Variants in ATP11B observed in about 807,000 individuals in gnomAD.
The protein encoded by ATP11B is ATPase phospholipid transporting 11B (putative).
In ATP11B, 81 loss-of-function variants were observed where a neutral mutation model predicts 157.8. The ratio of observed to expected loss-of-function variants is 0.51; its 90% CI spans 0.43 to 0.62. The LOEUF (loss-of-function observed/expected upper bound fraction) is 0.62. ATP11B is among the 20% of genes least tolerant of loss of function. The pLI, the probability that ATP11B is intolerant of heterozygous loss-of-function variation, is 0.00. For missense variants in ATP11B, 1,165 were observed against 1,402.2 expected, an observed-to-expected ratio of 0.83 and a Z score of 2.70; for synonymous variants, 451 against 469.4, an observed-to-expected ratio of 0.96 and a Z score of 0.51.
intron 25 of ATP11B, among the ~76,000 whole-genome samples, chr3:182,893,077 C>T (rs960088757): frequency 6.6e-6 from 1 of 152,104 alleles, no homozygotes; most frequent in Non-Finnish European, 1.5e-5. Flanking sequence ...AAAAGTAGGG[C>T]TTGTCTTAAT....
chr3:182,867,534 T>C (rs1235677735), intron 15 of ATP11B, 90 bp downstream of exon 15: 5 of 751,160 alleles, frequency 6.7e-6, no homozygotes, highest in African/African-American at 1.8e-5. Context: ...ACAGGGCAAA[T>C]GTGGCCTATA....
intron 28 of ATP11B, among the ~76,000 whole-genome samples, chr3:182,908,273 C>T (rs1308195825): frequency 7.0e-6 from 1 of 143,620 alleles, no homozygotes; most frequent in Non-Finnish European, 1.5e-5. Context: ...GCAGAAGCAC[C>T]ATCTTGGCTC....
At chr3:182,912,440 C>T (rs956979462) in intron 28 of ATP11B, among the ~76,000 whole-genome samples, 2 of 150,272 alleles carry the variant, frequency 1.3e-5, no homozygotes, top group African/African-American at 5.0e-5. Flanking sequence ...TAATTGAACA[C>T]TGACCCCCTT....
chr3:182,866,376 G>A lies in ATP11B; in HGVS notation c.1552G>A (p.Ala518Thr), dbSNP rs137867476. The change falls in exon 14 of 30, where the codon GCA becomes ACA. Residue 518 changes from alanine to threonine, a missense_variant. Coordinates refer to ENST00000323116, the MANE Select transcript of ATP11B (RefSeq NM_014616.3). ...TGDGPWQSNL[A>T]PSQLEYYASS... Reference sequence around the variant, plus strand: ...TGATGGTCCCTGGCAATCCAACCTGGCACCATCGCAGTTGGAGTACTATGC... The same window carrying A: ...TGATGGTCCCTGGCAATCCAACCTGACACCATCGCAGTTGGAGTACTATGC... 9.7e-4 allele frequency: 1,564 copies of A among 1,613,776 alleles called. 3 individuals are homozygous for A. The highest frequency in any genetic ancestry group is 1.8e-3 in the Middle Eastern group (11 of 6,058).
intron 1 of ATP11B, among the ~76,000 whole-genome samples, chr3:182,800,785 A>ATT (rs34173579): frequency 0.18 from 24,097 of 135,034 alleles, 3,225 homozygotes; most frequent in African/African-American, 0.38. Flanking sequence ...AATTCTTTTG[A>ATT]TTTTTTTTTT....
At chr3:182,864,754 G>GTT (rs1039655349) in intron 12 of ATP11B, among the ~76,000 whole-genome samples, 1 of 152,012 alleles carries the variant, frequency 6.6e-6, no homozygotes, top group Non-Finnish European at 1.5e-5. Flanking sequence ...CATTATTGCA[G>GTT]TAATCAGATT....
chr3:182,797,053 C>T (rs1715655043), intron 1 of ATP11B, among the ~76,000 whole-genome samples: 1 of 152,188 alleles, frequency 6.6e-6, no homozygotes, highest in South Asian at 2.1e-4. Flanking sequence ...ACCGAACTTG[C>T]TTATATTTTA....
chr3:182,911,271 G>GCACC (rs546621763), intron 28 of ATP11B, among the ~76,000 whole-genome samples: 1 of 76,612 alleles, frequency 1.3e-5, no homozygotes, highest in African/African-American at 8.3e-5. Context: ...CTATTGAAAT[G>GCACC]CCCCCCCCCG....
intron 10 of ATP11B, among the ~76,000 whole-genome samples, chr3:182,848,809 G>A (rs1255581869): frequency 2.0e-5 from 3 of 151,768 alleles, no homozygotes; most frequent in Admixed American, 6.6e-5. Context: ...TCACACTAAC[G>A]CAGATAACAG....
chr3:182,838,521 A>C (rs892401456), intron 7 of ATP11B, among the ~76,000 whole-genome samples: 3 of 152,148 alleles, frequency 2.0e-5, no homozygotes, highest in African/African-American at 7.2e-5. Flanking sequence ...AAATATAAGT[A>C]AAATGTAATC....
chr3:182,903,243 A>G (rs1294424121), intron 28 of ATP11B, among the ~76,000 whole-genome samples: 1 of 152,208 alleles, frequency 6.6e-6, no homozygotes, highest in African/African-American at 2.4e-5. Flanking sequence ...GGGAAAAGTA[A>G]TATAAGTTAT....
intron 25 of ATP11B, among the ~76,000 whole-genome samples, chr3:182,894,574 G>A (rs545298005): frequency 6.6e-6 from 1 of 152,204 alleles, no homozygotes; most frequent in Non-Finnish European, 1.5e-5. Flanking sequence ...AATGGAAAGA[G>A]ACAGCAGTCT....
chr3:182,824,510 T>G (rs2108501691), intron 2 of ATP11B, among the ~76,000 whole-genome samples: 1 of 152,342 alleles, frequency 6.6e-6, no homozygotes, highest in African/African-American at 2.4e-5. Context: ...GTATTTGACA[T>G]AGTTTTTAAA....
chr3:182,879,307 A>G (rs934773814), intron 19 of ATP11B, among the ~76,000 whole-genome samples, 189 bp from the exon 20 acceptor site: 1 of 152,230 alleles, frequency 6.6e-6, no homozygotes, highest in Non-Finnish European at 1.5e-5. Flanking sequence ...TTTACTCATC[A>G]GTGACTCAAT....
At chr3:182,829,023 T>C (rs1717928590) in intron 3 of ATP11B, among the ~76,000 whole-genome samples, 3 of 152,012 alleles carry the variant, frequency 2.0e-5, no homozygotes, top group African/African-American at 7.3e-5. Flanking sequence ...AAAGAAAAAA[T>C]TGCTTTCTTT....
In ATP11B at chr3:182,793,515, T is replaced by TGGCTGCGGCGCGGCGGCAGGCTC. The variant is rs1240933068; in HGVS notation, c.-244_-222dup. 5.9e-6 allele frequency: 2 copies of TGGCTGCGGCGCGGCGGCAGGCTC among 341,316 alleles called. No homozygotes were observed. The highest frequency in any genetic ancestry group is 4.9e-5 in the Admixed American group (1 of 20,518). 21.1% of individuals were successfully genotyped at this position (341,316 alleles called of 1,614,324 possible). A position where few individuals can be genotyped will look rare whatever the true frequency, so the allele number is the denominator to read the frequency against. On this transcript the variant is annotated 5_prime_UTR_variant, in exon 1 of 30. An upstream open reading frame in the 5' UTR loses its in-frame stop. Transcript: ENST00000323116. ...GGGTGACAACGGTCAATAATGAAGG[T>TGGCTGCGGCGCGGCGGCAGGCTC]GGCTGCGGCGCGGCGGCAGGCTCAG...
At position 182,837,087 on chromosome 3, in the gene ATP11B, C is replaced by T. The variant is rs1475687496; in HGVS notation, c.569C>T (p.Pro190Leu). 1 of 1,612,618 alleles carries T rather than the reference C, an allele frequency of 6.2e-7. No individual in the cohort carries two copies. Among genetic ancestry groups the T allele is most frequent in the Admixed American group, 1.7e-5 (1 of 59,824 alleles). The change falls in exon 7 of 30, where the codon CCA (proline) becomes CTA (leucine). Residue 190 changes from proline (P) to leucine (L), a missense_variant. Pro to Leu is a moderately conservative substitution (Grantham distance 98). Coordinates refer to ENST00000323116, the MANE Select transcript of ATP11B (RefSeq NM_014616.3). ...ETNLKTHVAV[P>L]ETALLQTVAN... ...TTTTTTCAGACACATGTGGCAGTTCCAGAAACAGCATTATTACAAACAGTT... is the reference window on the plus strand; with the variant it reads ...TTTTTTCAGACACATGTGGCAGTTCTAGAAACAGCATTATTACAAACAGTT...
At chr3:182,804,703 T>G (rs1431373135) in intron 1 of ATP11B, among the ~76,000 whole-genome samples, 4 of 152,180 alleles carry the variant, frequency 2.6e-5, no homozygotes, top group Admixed American at 6.5e-5. Context: ...CACAGGTTAG[T>G]GTAACCATCA....
At chr3:182,857,802 C>A (rs1165642135) in intron 10 of ATP11B, 76 bp from the exon 11 acceptor site, 2 of 892,822 alleles carry the variant, frequency 2.2e-6, no homozygotes, top group African/African-American at 1.7e-5. Context: ...TTCTCTAATA[C>A]AAGTACTAAT....
Sources: allele counts gnomAD v4.1 joint callset (sites outside exome capture counted in the v4.1 genomes callset), GRCh38; gene constraint gnomAD v4.1.1; transcripts MANE v1.5; gene names NCBI Gene and HGNC (gene_info 2026-07-23, HGNC 2026-07-21).